The following TJP1 variants were observed in gnomAD, a reference collection of about 807,000 sequenced individuals.
TJP1 encodes the protein tight junction protein 1.
TJP1 carries 43 observed loss-of-function variants against 194.2 expected under a neutral mutation model. The observed-to-expected ratio is 0.22, with a 90% CI of 0.17 to 0.29. The LOEUF (loss-of-function observed/expected upper bound fraction) is 0.29, where lower values mean the gene tolerates loss of function less well. Among genes scored for constraint, TJP1 ranks in the 10% least tolerant of loss-of-function variants. TJP1 has a pLI of 1.00. For missense variants in TJP1, 1,971 were observed against 2,185.7 expected, an observed-to-expected ratio of 0.90 and a Z score of 1.96; for synonymous variants, 801 against 779.0, an observed-to-expected ratio of 1.03 and a Z score of -0.47.
chr15:29,786,397 A>T (rs1466135819), intron 2 of TJP1, among the ~76,000 whole-genome samples: 1 of 152,162 alleles, frequency 6.6e-6, no homozygotes, highest in Admixed American at 6.5e-5. Flanking sequence ...TCTATTGCCA[A>T]ATTACCTACC....
chr15:29,914,882 GCACA>G lies in TJP1; in HGVS notation c.306+41346_306+41349del, dbSNP rs1183027548. Among the ~76,000 whole-genome samples the G allele has an allele frequency of 2.6e-5, 4 of 151,086 alleles. No homozygotes were observed. In the East Asian group the frequency reaches 7.8e-4, roughly 29 times the overall value. ...CACACATACACACACACACACGCAC[GCACA>G]CACATGCATGCACACACAGGCACAC... On this transcript the variant is annotated intron_variant, in intron 2 of 28. Transcript: ENST00000356107.
At chr15:29,962,111 T>C (rs139872468) in intron 1 of TJP1, among the ~76,000 whole-genome samples, 74 of 152,338 alleles carry the variant, frequency 4.9e-4, no homozygotes, top group African/African-American at 1.6e-3. Context: ...GCAAAGTCAT[T>C]TAAATCTGAC....
At chr15:29,930,374 T>C (rs985249972) in intron 2 of TJP1, among the ~76,000 whole-genome samples, 2 of 152,208 alleles carry the variant, frequency 1.3e-5, no homozygotes, top group Non-Finnish European at 2.9e-5. Flanking sequence ...GGCAACACCA[T>C]TGTCAAGTAC....
intron 2 of TJP1, among the ~76,000 whole-genome samples, chr15:29,798,000 G>C (rs1020993555): frequency 1.3e-5 from 2 of 152,168 alleles, no homozygotes; most frequent in Admixed American, 1.3e-4. Flanking sequence ...ATGGCAATTG[G>C]TCTTGCTCTG....
intron 23 of TJP1, among the ~76,000 whole-genome samples, chr15:29,715,911 G>A (rs971781892): frequency 2.0e-5 from 3 of 152,118 alleles, no homozygotes; most frequent in African/African-American, 7.2e-5. Context: ...GTTCTATTGA[G>A]GTATGAATCT....
In TJP1 at chr15:29,701,620, A is replaced by T; in HGVS notation, c.5282T>A (p.Val1761Asp). ...TTAAAAGTGGTCAATAAGGACAGAAACACAGTTTGCTCCAACGAGATAATT... is the reference window on the plus strand; with the variant it reads ...TTAAAAGTGGTCAATAAGGACAGAATCACAGTTTGCTCCAACGAGATAATT... ...DPNYLVGANCVSVLIDHF is the reference protein window; with the variant it reads ...DPNYLVGANCDSVLIDHF The change falls in exon 28 of 28, where the codon GTT (valine) becomes GAT (aspartate). Residue 1761 changes from valine (V) to aspartate (D), a missense_variant. Around this residue, in one of 5 missense-constraint regions of TJP1, gnomAD observed 1,108 missense variants for 1,128.5 expected, o/e 0.98. Coordinates refer to ENST00000614355, the MANE Select transcript of TJP1 (RefSeq NM_001330239.4). 1 of 1,614,090 alleles carries T rather than the reference A, an allele frequency of 6.2e-7. No individual in the cohort carries two copies. The highest frequency in any genetic ancestry group is 8.5e-7 in the Non-Finnish European group (1 of 1,179,962).
intron 2 of TJP1, among the ~76,000 whole-genome samples, chr15:29,863,250 C>T (rs1353057686): frequency 1.3e-5 from 2 of 151,872 alleles, no homozygotes; most frequent in Non-Finnish European, 2.9e-5. Context: ...GAGCCCAGAC[C>T]GTGCCGCTGC....
chr15:29,965,778 A>G (rs555115444), intron 1 of TJP1, among the ~76,000 whole-genome samples: 2 of 152,358 alleles, frequency 1.3e-5, no homozygotes, highest in East Asian at 1.9e-4. Flanking sequence ...AAGAATATGA[A>G]GTATTCTACA....
At chr15:29,897,615 A>G (rs1230419957) in intron 2 of TJP1, among the ~76,000 whole-genome samples, 5 of 152,198 alleles carry the variant, frequency 3.3e-5, no homozygotes, top group Non-Finnish European at 7.3e-5. Flanking sequence ...CAAACACCTG[A>G]ATACCAGTCC....
At chr15:29,722,589 T>C (rs1414771702) in intron 18 of TJP1, among the ~76,000 whole-genome samples, 1 of 152,148 alleles carries the variant, frequency 6.6e-6, no homozygotes, top group African/African-American at 2.4e-5. Flanking sequence ...TCCAGGGCAG[T>C]GTGGAGGGGA....
upstream of TJP1, chr15:29,822,658 C>T (rs1339181753): frequency 1.0e-5 from 2 of 200,604 alleles, no homozygotes; most frequent in Non-Finnish European, 8.9e-6. Flanking sequence ...AGACAGTTTC[C>T]GCTGCCGTGC....
intron 2 of TJP1, among the ~76,000 whole-genome samples, chr15:29,950,293 C>T (rs528358352): frequency 6.6e-5 from 10 of 150,454 alleles, no homozygotes; most frequent in East Asian, 2.0e-4. Context: ...CCTTCACCAC[C>T]GCTACCTCCA....
intron 18 of TJP1, among the ~76,000 whole-genome samples, chr15:29,722,967 A>G (rs1187951298): frequency 6.6e-6 from 1 of 152,178 alleles, no homozygotes; most frequent in African/African-American, 2.4e-5. Flanking sequence ...AGACTTCTCC[A>G]TTTTGAAAAG....
At chr15:29,826,914 G>A (rs1282759314), upstream of TJP1, among the ~76,000 whole-genome samples, 1 of 152,150 alleles carries the variant, frequency 6.6e-6, no homozygotes, top group Admixed American at 6.5e-5. Flanking sequence ...ACACACTGGG[G>A]ACTGGGGCCT....
At chr15:29,948,894 C>T (rs1415014511) in intron 2 of TJP1, among the ~76,000 whole-genome samples, 1 of 151,964 alleles carries the variant, frequency 6.6e-6, no homozygotes, top group Non-Finnish European at 1.5e-5. Context: ...CACTCTCTAC[C>T]TCCACATCTA....
chr15:29,737,559 T>G, intron 10 of TJP1, 145 bp from the exon 11 acceptor site: 1 of 868,066 alleles, frequency 1.2e-6, no homozygotes, highest in Non-Finnish European at 1.7e-6. Flanking sequence ...CTAAATAAAA[T>G]TTAGTGTTAG....
intron 22 of TJP1, among the ~76,000 whole-genome samples, 199 bp from the exon 23 acceptor site, chr15:29,717,037 C>T (rs1227300836): frequency 6.6e-6 from 1 of 152,094 alleles, no homozygotes; most frequent in Non-Finnish European, 1.5e-5. Flanking sequence ...AAGGCAGCCC[C>T]CTTCTGGCTC....
At chr15:29,765,261 A>T (rs985667010) in intron 5 of TJP1, among the ~76,000 whole-genome samples, 3 of 152,174 alleles carry the variant, frequency 2.0e-5, no homozygotes, top group African/African-American at 7.2e-5. Flanking sequence ...AGTGAAGTAA[A>T]AACAGCAAAT....
intron 2 of TJP1, among the ~76,000 whole-genome samples, chr15:29,781,730 A>C (rs1180570617): frequency 6.6e-6 from 1 of 152,236 alleles, no homozygotes; most frequent in Non-Finnish European, 1.5e-5. Flanking sequence ...GATTATCTTA[A>C]TAGATGCAGA....
Sources: allele counts gnomAD v4.1 joint callset (sites outside exome capture counted in the v4.1 genomes callset), GRCh38; gene constraint gnomAD v4.1.1; regional missense constraint gnomAD v4.1.1; transcripts MANE v1.5; gene names NCBI Gene and HGNC (gene_info 2026-07-23, HGNC 2026-07-21).